KAZN: variants seen among roughly 807,000 people sequenced by gnomAD.
KAZN encodes the protein kazrin.
KAZN carries 40 observed loss-of-function variants against 87.4 expected under a neutral mutation model. The observed-to-expected ratio is 0.46, with a 90% CI of 0.36 to 0.60. The LOEUF is 0.60. KAZN is among the 20% of genes least tolerant of loss of function. The pLI is 0.00. For synonymous variants in KAZN, 466 were observed against 458.3 expected (o/e 1.02, Z -0.22); for missense variants, 898 against 1,073.9 (o/e 0.84, Z 2.29).
chr1:14,282,527 G>A (rs61771844), intron 2 of KAZN, among the ~76,000 whole-genome samples: 53,355 of 152,082 alleles, frequency 0.35, 10,955 homozygotes, highest in Non-Finnish European at 0.48. Context: ...AATGATTCTC[G>A]TTACAGAATG....
At chr1:15,037,148 C>G (rs1369329933) in intron 3 of KAZN, among the ~76,000 whole-genome samples, 1 of 152,136 alleles carries the variant, frequency 6.6e-6, no homozygotes, top group Admixed American at 6.5e-5. Flanking sequence ...GGAGCTTGGT[C>G]TTTTTTCAGT....
chr1:14,121,335 A>G (rs1644747526), intron 1 of KAZN, among the ~76,000 whole-genome samples: 2 of 152,180 alleles, frequency 1.3e-5, no homozygotes, highest in Non-Finnish European at 2.9e-5. Flanking sequence ...CTGTTTTACC[A>G]TATACCAACC....
chr1:14,401,556 C>T (rs188563484), intron 2 of KAZN, among the ~76,000 whole-genome samples: 30 of 152,224 alleles, frequency 2.0e-4, no homozygotes, highest in Admixed American at 1.8e-3. Context: ...TGGCCCATGC[C>T]TGTAATCTCA....
At chr1:14,774,543 T>C (rs1164206377) in intron 1 of KAZN, among the ~76,000 whole-genome samples, 2 of 150,660 alleles carry the variant, frequency 1.3e-5, no homozygotes, top group Admixed American at 1.3e-4. Flanking sequence ...CAATCATAGC[T>C]CACTGTAACC....
intron 1 of KAZN, among the ~76,000 whole-genome samples, chr1:14,668,946 C>A (rs372330925): frequency 2.0e-4 from 31 of 152,276 alleles, no homozygotes; most frequent in Admixed American, 4.6e-4. Flanking sequence ...AGAATAGAAA[C>A]CATGCAGAGA....
chr1:14,017,888 G>A (rs1482019407), intron 1 of KAZN, among the ~76,000 whole-genome samples: 3 of 152,176 alleles, frequency 2.0e-5, no homozygotes, highest in African/African-American at 7.2e-5. Context: ...GCCACGTGTT[G>A]TTGCTAAGCT....
At chr1:14,690,722 T>A (rs767258104) in intron 1 of KAZN, among the ~76,000 whole-genome samples, 8 of 152,206 alleles carry the variant, frequency 5.3e-5, no homozygotes, top group Non-Finnish European at 1.2e-4. Flanking sequence ...TAAAACCTCC[T>A]TAATAACTTT....
chr1:14,334,534 G>A (rs1382441870), intron 2 of KAZN, among the ~76,000 whole-genome samples: 2 of 152,148 alleles, frequency 1.3e-5, no homozygotes, highest in Non-Finnish European at 2.9e-5. Context: ...CTTTCACGCT[G>A]CAGGAAGTGG....
chr1:13,989,877 C>T (rs1639198843), intron 1 of KAZN, among the ~76,000 whole-genome samples: 1 of 152,278 alleles, frequency 6.6e-6, no homozygotes, highest in Non-Finnish European at 1.5e-5. Flanking sequence ...GTCTTCCATC[C>T]TTGAAGAAGA....
At chr1:15,101,855 C>T in intron 11 of KAZN, 81 bp downstream of exon 11, 1 of 862,478 alleles carries the variant, frequency 1.2e-6, no homozygotes, top group Non-Finnish European at 1.9e-6. Flanking sequence ...TTCATCTGTC[C>T]ACCCACTACC....
rs1639261210 is a variant in KAZN, at chr1:15,066,865, CCTT to C, written c.1222+1117_1222+1119del. ...TGCCCATGCATGAAAGGATCCTCCA[CCTT>C]CTTCCCACCCAGAGCTCCCTCCAGG... On this transcript the variant is annotated intron_variant, in intron 8 of 14. Transcript: ENST00000376030. This position sits in a 1 kb window ranked among gnomAD's most constrained non-coding sequence, Gnocchi z 4.3. 1.0e-6 allele frequency: 1 copy of C among 985,398 alleles called. No individual in the cohort carries two copies. The allele number at this position is 985,398 out of a possible 1,614,324, so 61.0% of individuals were successfully genotyped here.
chr1:14,511,631 G>A (rs778766907), intron 2 of KAZN, among the ~76,000 whole-genome samples: 26 of 152,232 alleles, frequency 1.7e-4, no homozygotes, highest in Non-Finnish European at 2.6e-4. Flanking sequence ...TTATACTAAC[G>A]GACAACATAT....
intron 1 of KAZN, among the ~76,000 whole-genome samples, chr1:14,170,378 GA>G (rs796501217): frequency 0.059 from 8,526 of 144,308 alleles, 780 homozygotes; most frequent in African/African-American, 0.2. Flanking sequence ...AAGGTAAAAA[GA>G]AAAAAAAAAA....
chr1:14,443,183 A>AT (rs1419200956), intron 2 of KAZN, among the ~76,000 whole-genome samples: 1 of 152,204 alleles, frequency 6.6e-6, no homozygotes, highest in Non-Finnish European at 1.5e-5. Flanking sequence ...GAAAGGTTTT[A>AT]TTTTGTATTG....
At chr1:14,895,338 C>T (rs562097389) in intron 1 of KAZN, among the ~76,000 whole-genome samples, 4 of 152,330 alleles carry the variant, frequency 2.6e-5, no homozygotes, top group South Asian at 2.1e-4. Context: ...AAACGCAGAC[C>T]GCCCTTGATT....
At position 15,066,386 on chromosome 1, in the gene KAZN, C is replaced by T. The variant is rs1639227939; in HGVS notation, c.1222+633C>T. 4 of 984,192 alleles carry T rather than the reference C, an allele frequency of 4.1e-6. No individual in the cohort carries two copies. Among genetic ancestry groups the T allele is most frequent in the Non-Finnish European group, 3.6e-6 (3 of 829,782 alleles). The allele number at this position is 984,192 out of a possible 1,614,324, so 61.0% of individuals were successfully genotyped here. A position where few individuals can be genotyped will look rare whatever the true frequency, so the allele number is the denominator to read the frequency against. On this transcript the variant is annotated intron_variant, in intron 8 of 14. Transcript: ENST00000376030. The surrounding 1 kb of genome is among the most constrained non-coding windows in gnomAD (Gnocchi z 4.3). ...GGGACCAGACCCTGTCCTGGGGGTG[C>T]GCCCAAGTCACTTTAACCACAAAAC...
chr1:14,913,679 T>C (rs967204857), intron 1 of KAZN, among the ~76,000 whole-genome samples: 1 of 152,184 alleles, frequency 6.6e-6, no homozygotes, highest in Non-Finnish European at 1.5e-5. Context: ...TTGCTGGGCG[T>C]CTTTGTAGCC....
At chr1:14,455,514 C>T (rs1667520980) in intron 2 of KAZN, among the ~76,000 whole-genome samples, 1 of 152,130 alleles carries the variant, frequency 6.6e-6, no homozygotes, top group South Asian at 2.1e-4. Flanking sequence ...GGCTTTGAGA[C>T]CCCTACCTTA....
intron 2 of KAZN, among the ~76,000 whole-genome samples, chr1:14,979,143 A>T (rs1665975346): frequency 6.6e-6 from 1 of 151,872 alleles, no homozygotes; most frequent in South Asian, 2.1e-4. Flanking sequence ...ATCTCAGGTG[A>T]TCCACCTGAG....
Sources: allele counts gnomAD v4.1 joint callset (sites outside exome capture counted in the v4.1 genomes callset), GRCh38; gene constraint gnomAD v4.1.1; non-coding constraint Gnocchi (gnomAD v3.1); transcripts MANE v1.5; gene names NCBI Gene and HGNC (gene_info 2026-07-23, HGNC 2026-07-21).